Variants in MBNL2 observed in about 807,000 individuals in gnomAD.
MBNL2 encodes muscleblind-like protein 2.
MBNL2 carries 17 observed loss-of-function variants against 41.9 expected under a neutral mutation model. That is an observed-to-expected ratio of 0.41 (90% CI 0.28 to 0.61). The LOEUF is 0.61. MBNL2 is among the 20% of genes least tolerant of loss of function. The probability of loss-of-function intolerance (pLI) is 0.35; values close to 1 mark genes in which losing one functional copy is unlikely to be tolerated. For synonymous variants in MBNL2, 195 were observed against 182.9 expected, an observed-to-expected ratio of 1.07 and a Z score of -0.53; for missense variants, 336 against 505.6, an observed-to-expected ratio of 0.66 and a Z score of 3.22.
rs905221703 is a variant in MBNL2, at chr13:97,366,164, A to T, written c.1048+993A>T. Among the ~76,000 whole-genome samples, 2 of 152,190 alleles carry T rather than the reference A, an allele frequency of 1.3e-5. No individual in the cohort carries two copies. The highest frequency in any genetic ancestry group is 3.8e-4 in the East Asian group (2 of 5,196). ...ACTGTATACACTGAATTGGGAATGG[A>T]TCTATTGTTAGAAATAAAATGTTTA... On this transcript the variant is annotated intron_variant, in intron 8 of 8. Coordinates refer to ENST00000679496, the MANE Select transcript of MBNL2 (RefSeq NM_001382683.1). The surrounding 1 kb of genome is among the most constrained non-coding windows in gnomAD (Gnocchi z 4.7).
chr13:97,374,208 C>T (rs1474834558), intron 8 of MBNL2, among the ~76,000 whole-genome samples: 1 of 151,584 alleles, frequency 6.6e-6, no homozygotes, highest in Non-Finnish European at 1.5e-5. Flanking sequence ...AGTGCAGTGG[C>T]GCGATCTCGG....
the MBNL2 span, among the ~76,000 whole-genome samples, chr13:97,165,183 A>C: frequency 6.6e-6 from 1 of 152,172 alleles, no homozygotes; most frequent in Non-Finnish European, 1.5e-5. Flanking sequence ...CAGCCTGGGC[A>C]ACAGATCAAG....
rs184908962 is a variant in MBNL2, at chr13:97,359,303, G to A, written c.1012+1668G>A. On this transcript the variant is annotated intron_variant, in intron 7 of 8. Transcript: ENST00000679496. Reference sequence around the variant, plus strand: ...AAAAAAAATTAAGGAAGAATATACTGAGGGGAAAAACGTAAAAGGAGAAGC... The same window carrying A: ...AAAAAAAATTAAGGAAGAATATACTAAGGGGAAAAACGTAAAAGGAGAAGC... 5.4e-3 allele frequency among the ~76,000 whole-genome samples: 819 copies of A among 151,936 alleles called. 5 individuals carry two copies. The highest frequency in any genetic ancestry group is 7.6e-3 in the Non-Finnish European group (516 of 67,984).
chr13:97,340,747 T>C (rs2061382753), intron 3 of MBNL2, among the ~76,000 whole-genome samples: 1 of 152,226 alleles, frequency 6.6e-6, no homozygotes, highest in Non-Finnish European at 1.5e-5. Flanking sequence ...AAAATATTAC[T>C]ATTTCTCTGT....
intron 8 of MBNL2, among the ~76,000 whole-genome samples, chr13:97,381,466 G>A (rs1363740836): frequency 1.3e-5 from 2 of 151,878 alleles, no homozygotes; most frequent in African/African-American, 2.4e-5. Context: ...CAAAAGCAGG[G>A]CATTGAGCAG....
At chr13:97,256,733 A>G (rs1043285278) in intron 1 of MBNL2, among the ~76,000 whole-genome samples, 7 of 152,238 alleles carry the variant, frequency 4.6e-5, no homozygotes, top group African/African-American at 1.7e-4. Flanking sequence ...GAGAGGAGGA[A>G]ACTGAAGTTT....
the MBNL2 span, among the ~76,000 whole-genome samples, chr13:97,216,093 T>A: frequency 6.6e-6 from 1 of 152,190 alleles, no homozygotes; most frequent in Non-Finnish European, 1.5e-5. Flanking sequence ...CTAGACCTAC[T>A]GGAGAAAAAT....
At chr13:97,359,601 A>G (rs1265975014) in intron 7 of MBNL2, among the ~76,000 whole-genome samples, 2 of 148,996 alleles carry the variant, frequency 1.3e-5, no homozygotes, top group Non-Finnish European at 2.9e-5. Flanking sequence ...AATGTATCTC[A>G]TGAAGGACCC....
chr13:97,360,735 G>A (rs977973030), intron 7 of MBNL2, among the ~76,000 whole-genome samples: 1 of 152,218 alleles, frequency 6.6e-6, no homozygotes, highest in African/African-American at 2.4e-5. Context: ...TGAAATATTT[G>A]TGCAACTGAA....
chr13:97,198,678 C>A, the MBNL2 span, among the ~76,000 whole-genome samples: 8 of 152,108 alleles, frequency 5.3e-5, no homozygotes, highest in South Asian at 1.0e-3. Flanking sequence ...CAGTAAATGG[C>A]AACTCCATCC....
At chr13:97,386,083 A>C (rs986003496) in intron 8 of MBNL2, among the ~76,000 whole-genome samples, 24 of 152,194 alleles carry the variant, frequency 1.6e-4, no homozygotes, top group Non-Finnish European at 1.5e-5. Flanking sequence ...TTTTAGGTAG[A>C]GGGTGCCTTG....
chr13:97,276,436 T>G, intron 2 of MBNL2, 27 bp downstream of exon 2: 1 of 1,599,060 alleles, frequency 6.3e-7, no homozygotes, highest in African/African-American at 1.3e-5. Flanking sequence ...TATGTGTCAT[T>G]TCAATACCAC....
chr13:97,367,905 AGAT>A (rs1257644505), intron 8 of MBNL2, among the ~76,000 whole-genome samples: 1 of 152,164 alleles, frequency 6.6e-6, no homozygotes, highest in Non-Finnish European at 1.5e-5. Flanking sequence ...TTAGCTGGGA[AGAT>A]GATGATGATG....
At chr13:97,179,844 G>GT in the MBNL2 span, among the ~76,000 whole-genome samples, 2 of 152,220 alleles carry the variant, frequency 1.3e-5, no homozygotes, top group Non-Finnish European at 2.9e-5. Flanking sequence ...AGTAGAGAGA[G>GT]TTAGGGGGTC....
At chr13:97,289,165 A>C (rs1029919692) in intron 2 of MBNL2, among the ~76,000 whole-genome samples, 2 of 152,098 alleles carry the variant, frequency 1.3e-5, no homozygotes, top group Non-Finnish European at 2.9e-5. Context: ...CTGAATACTG[A>C]TGTGGGTGCT....
chr13:97,226,616 T>C (rs985468607), intron 1 of MBNL2, among the ~76,000 whole-genome samples: 5 of 152,176 alleles, frequency 3.3e-5, no homozygotes, highest in African/African-American at 9.6e-5. Flanking sequence ...GTTTTAGTGA[T>C]TGGGGGAGAA....
chr13:97,147,268 T>C, the MBNL2 span, among the ~76,000 whole-genome samples: 1 of 152,244 alleles, frequency 6.6e-6, no homozygotes, highest in Non-Finnish European at 1.5e-5. Flanking sequence ...AGGAATGTTT[T>C]TTCTCTGTCG....
chr13:97,257,579 A>C (rs1294308260), intron 1 of MBNL2, among the ~76,000 whole-genome samples: 2 of 152,248 alleles, frequency 1.3e-5, no homozygotes, highest in Non-Finnish European at 2.9e-5. Flanking sequence ...TACAGCTAAC[A>C]GGACAGTGTT....
chr13:97,235,808 G>A (rs970071599), intron 1 of MBNL2, among the ~76,000 whole-genome samples: 2 of 151,898 alleles, frequency 1.3e-5, no homozygotes, highest in African/African-American at 2.4e-5. Context: ...TCCCGCTACA[G>A]TTTGGAGAAC....
Sources: gnomAD v4.1 joint callset for allele counts (sites outside exome capture counted in the v4.1 genomes callset) on GRCh38, gnomAD v4.1.1 for gene constraint, Gnocchi (gnomAD v3.1) non-coding constraint, MANE v1.5 for transcripts, NCBI Gene and HGNC (gene_info 2026-07-23, HGNC 2026-07-21) for gene names.